SLX4: variants seen among roughly 807,000 people sequenced by gnomAD.
The protein encoded by SLX4 is structure-specific endonuclease subunit SLX4.
In SLX4, 112 loss-of-function variants were observed where a neutral mutation model predicts 146.2. The ratio of observed to expected loss-of-function variants is 0.77; its 90% confidence interval spans 0.66 to 0.90. The LOEUF (loss-of-function observed/expected upper bound fraction) is 0.90. Ranked by LOEUF, SLX4 falls within the 40% of genes least tolerant of loss-of-function variation. The pLI is 0.00. For synonymous variants in SLX4, 1,061 were observed against 997.7 expected, an observed-to-expected ratio of 1.06 and a Z score of -1.20; for missense variants, 2,563 against 2,392.7, an observed-to-expected ratio of 1.07 and a Z score of -1.49.
Position 3,606,509 on chromosome 16 carries a change from G to A in SLX4, c.725C>T (p.Pro242Leu). The change falls in exon 3 of 15, where the codon CCA becomes CTA. Residue 242 changes from proline to leucine, a missense_variant. Pro to Leu is a moderately conservative substitution (Grantham distance 98, BLOSUM62 -3). Coordinates refer to ENST00000294008, the MANE Select transcript of SLX4 (RefSeq NM_032444.4). ...SLEAAREENV[P>L]KDPQEEMMAG... Reference sequence around the variant, plus strand: ...CATCATCTCCTCTTGAGGATCCTTTGGGACATTTTCTTCCCGCGCAGCCTC... The same window carrying A: ...CATCATCTCCTCTTGAGGATCCTTTAGGACATTTTCTTCCCGCGCAGCCTC... 1 of 1,614,152 alleles carries A rather than the reference G, an allele frequency of 6.2e-7. No homozygotes were observed.
Position 3,582,483 on chromosome 16 carries a change from G to A in SLX4, c.5364C>T (p.Asn1788=), listed in dbSNP as rs542981864. 3.5e-5 allele frequency: 56 copies of A among 1,614,022 alleles called. 1 individual carries two copies. Among genetic ancestry groups the A allele is most frequent in the South Asian group, 3.3e-4 (30 of 91,086 alleles). The change falls in exon 15 of 15, where the codon AAC becomes AAT. Residue 1788 remains asparagine (N), a synonymous_variant. Transcript: ENST00000294008. ...LRELQAELRQ[N]GLRVSSRRLL... ...GCCTGCGCGAGGACACACGGAGGCC[G>A]TTCTGCCTCAGCTCTGCCTGCAGCT...
intron 8 of SLX4, 46 bp downstream of exon 8, chr16:3,596,107 G>A: frequency 6.5e-7 from 1 of 1,535,312 alleles, no homozygotes. Flanking sequence ...GGGAGGGGAG[G>A]CCCGGGAGGG....
At chr16:3,600,801 G>T (rs148468422) in intron 5 of SLX4, 178 bp downstream of exon 5, 25 of 632,940 alleles carry the variant, frequency 3.9e-5, no homozygotes, top group Admixed American at 1.9e-4. Flanking sequence ...GTACCATGTC[G>T]GCCAGGCTGG....
rs923467887 is a variant in SLX4 at position 3,597,112 on chromosome 16, C to T, written c.1683+267G>A. ...CAGGGATTACGGGCGTGAGCCACTG[C>T]GCCCGGCCGGGACTCTGCATTTTCA... On this transcript the variant is annotated intron_variant, in intron 7 of 14. Transcript: ENST00000294008. The surrounding 1 kb of genome is among the most constrained non-coding windows in gnomAD (Gnocchi z 4.4). 3.9e-5 allele frequency among the ~76,000 whole-genome samples: 6 copies of T among 152,166 alleles called. No homozygotes were observed. The highest frequency in any genetic ancestry group is 8.8e-5 in the Non-Finnish European group (6 of 68,030).
intron 9 of SLX4, 77 bp from the exon 10 acceptor site, chr16:3,594,676 T>G: frequency 6.2e-7 from 1 of 1,601,374 alleles, no homozygotes; most frequent in Non-Finnish European, 8.5e-7. Flanking sequence ...GCTCCCCGCA[T>G]GGAGGTGGCG....
chr16:3,600,183 T>A lies in SLX4; in HGVS notation c.1163+796A>T, dbSNP rs370022500. On this transcript the variant is annotated intron_variant, in intron 5 of 14. Coordinates refer to ENST00000294008, the MANE Select transcript of SLX4 (RefSeq NM_032444.4). ...GAGAGCTCAACCTAGATTCCATGCA[T>A]GTGCGGCTCACAACAGGGTTTGTGT... is the stretch of plus-strand genomic sequence containing the variant. Among the ~76,000 whole-genome samples, 163 of 152,324 alleles carry A rather than the reference T, an allele frequency of 1.1e-3. 4 individuals carry two copies. In the South Asian group the frequency reaches 0.033, roughly 30 times the overall value.
At position 3,583,139 on chromosome 16, in the gene SLX4, G is replaced by C. The variant is rs2151116465; in HGVS notation, c.5111C>G (p.Ala1704Gly). The C allele has an allele frequency of 6.2e-7, 1 of 1,614,272 alleles. No homozygotes were observed. The highest frequency in any genetic ancestry group is 8.5e-7 in the Non-Finnish European group (1 of 1,180,042). ...GCTGTCACTGCCATCCACAGAGGTG[G>C]CCACGGATTCTTGAGAGGCTGGGAT... is the stretch of plus-strand genomic sequence containing the variant. Reference protein sequence around the residue: ...AQIPASQESVATSVDGSDSSL... With the variant: ...AQIPASQESVGTSVDGSDSSL... Residue 1704 changes from alanine (A) to glycine (G), a missense_variant, in exon 14 of 15, where the codon GCC becomes GGC. Transcript: ENST00000294008.
intron 11 of SLX4, 59 bp from the exon 12 acceptor site, chr16:3,591,369 C>T (rs1048468423): frequency 2.5e-6 from 4 of 1,599,390 alleles, no homozygotes; most frequent in African/African-American, 1.3e-5. Flanking sequence ...CTCTGGGTGC[C>T]CCGGTGGGGT....
At chr16:3,600,258 C>G (rs886997627) in intron 5 of SLX4, among the ~76,000 whole-genome samples, 7 of 152,174 alleles carry the variant, frequency 4.6e-5, no homozygotes, top group Non-Finnish European at 1.0e-4. Flanking sequence ...GGAGCTCAGG[C>G]AGTAAAGCTT....
At chr16:3,588,380 G>A (rs987004130) in intron 12 of SLX4, among the ~76,000 whole-genome samples, 2 of 152,202 alleles carry the variant, frequency 1.3e-5, no homozygotes, top group African/African-American at 4.8e-5. Context: ...TTTCTGGGTC[G>A]TCCACGCGGT....
intron 4 of SLX4, 161 bp from the exon 5 acceptor site, chr16:3,601,352 A>G (rs2040725754): frequency 1.4e-6 from 1 of 716,400 alleles, no homozygotes; most frequent in African/African-American, 1.7e-5. Flanking sequence ...GTCAGCCCCT[A>G]GACACTACAC....
intron 4 of SLX4, chr16:3,601,423 G>T: frequency 5.3e-6 from 3 of 563,392 alleles, no homozygotes; most frequent in Admixed American, 2.9e-5. Flanking sequence ...GCAGTTACAT[G>T]ATGACTTAGA....
rs2151114338 is a variant in SLX4 at position 3,581,209 on chromosome 16, A to C, written c.*1133T>G. Reference sequence around the variant, plus strand: ...TAATAAAGCCTTTTTGGTTTATTGCACATCATATAAAACTGACTGCACTGT... The same window carrying C: ...TAATAAAGCCTTTTTGGTTTATTGCCCATCATATAAAACTGACTGCACTGT... On this transcript the variant is annotated 3_prime_UTR_variant, in exon 15 of 15. Coordinates refer to ENST00000294008, the MANE Select transcript of SLX4 (RefSeq NM_032444.4). 1 of 152,730 alleles carries C rather than the reference A, an allele frequency of 6.5e-6. No individual in the cohort carries two copies. Among genetic ancestry groups the C allele is most frequent in the East Asian group, 1.9e-4 (1 of 5,180 alleles). The allele number at this position is 152,730 out of a possible 1,614,324, so 9.5% of individuals were successfully genotyped here. A position where few individuals can be genotyped will look rare whatever the true frequency, so the allele number is the denominator to read the frequency against.
intron 11 of SLX4, 77 bp from the exon 12 acceptor site, chr16:3,591,387 C>T (rs2040594678): frequency 1.3e-6 from 2 of 1,583,138 alleles, no homozygotes; most frequent in South Asian, 1.1e-5. Flanking sequence ...GGTGGCGGAC[C>T]AGAGCAGAGT....
rs753651021 is a variant in SLX4 at position 3,583,234 on chromosome 16, A to G, written c.5016T>C (p.His1672=). The change falls in exon 14 of 15, where the codon CAT becomes CAC. Residue 1672 remains histidine, a synonymous_variant. Transcript: ENST00000294008. ...ACCTGCTTGGGGGTGTGATGCTTTC[A>G]TGATGCTTCCTTTGATGTCGGGGGC... ...TKGPRHQRKH[H]ESITPPSRSP... 1.2e-6 allele frequency: 2 copies of G among 1,614,156 alleles called. No individual in the cohort carries two copies. Among genetic ancestry groups the G allele is most frequent in the East Asian group, 2.2e-5 (1 of 44,872 alleles).
In SLX4 at chr16:3,589,856, G is replaced by A. The variant is rs374056556; in HGVS notation, c.3782C>T (p.Pro1261Leu). The A allele has an allele frequency of 6.9e-5, 111 of 1,613,346 alleles. 1 individual carries two copies. In the Admixed American group the frequency reaches 1.5e-3, roughly 22 times the overall value. Residue 1261 changes from proline (P) to leucine (L), a missense_variant, in exon 12 of 15, where the codon CCG becomes CTG. Physicochemically the swap from Pro to Leu is moderately conservative, Grantham distance 98 (BLOSUM62 -3). Transcript: ENST00000294008. The surrounding 1 kb of genome is among the most constrained non-coding windows in gnomAD (Gnocchi z 6.2). ...TDTSWLVPAT[P>L]LASRSRDCSS... Reference sequence around the variant, plus strand: ...ACAGTCACGGCTTCTGCTGGCCAGCGGGGTGGCGGGCACCAGCCACGAGGT... The same window carrying A: ...ACAGTCACGGCTTCTGCTGGCCAGCAGGGTGGCGGGCACCAGCCACGAGGT...
At position 3,608,633 on chromosome 16, in the gene SLX4, G is replaced by A. The variant is rs765630089; in HGVS notation, c.332C>T (p.Pro111Leu). The A allele has an allele frequency of 2.5e-6, 4 of 1,614,188 alleles. No individual in the cohort carries two copies. Among genetic ancestry groups the A allele is most frequent in the East Asian group, 2.2e-5 (1 of 44,888 alleles). Residue 111 changes from proline to leucine, a missense_variant, in exon 2 of 15, where the codon CCT becomes CTT. By Grantham distance (98) the Pro-to-Leu change is moderately conservative. Coordinates refer to ENST00000294008, the MANE Select transcript of SLX4 (RefSeq NM_032444.4). ...CCTAGGGGCCTGGCTGCCAGACGGA[G>A]GTTTCTTCTCTGCAGGGCCTTGAAG... ...KTLQGPAEKKPPSGSQAPRTK... is the reference protein window; with the variant it reads ...KTLQGPAEKKLPSGSQAPRTK...
intron 3 of SLX4, among the ~76,000 whole-genome samples, chr16:3,606,156 C>A (rs1327355029): frequency 2.6e-5 from 4 of 151,174 alleles, no homozygotes; most frequent in African/African-American, 9.7e-5. Flanking sequence ...CTGGCTGGGG[C>A]AAGATAATTG....
chr16:3,584,381 A>G (rs905531266), intron 13 of SLX4, among the ~76,000 whole-genome samples: 1 of 151,924 alleles, frequency 6.6e-6, no homozygotes, highest in Admixed American at 6.6e-5. Flanking sequence ...GGACTGCGCC[A>G]CTGCACTCCA....
Sources: allele counts gnomAD v4.1 joint callset (sites outside exome capture counted in the v4.1 genomes callset), GRCh38; gene constraint gnomAD v4.1.1; non-coding constraint Gnocchi (gnomAD v3.1); transcripts MANE v1.5; gene names NCBI Gene and HGNC (gene_info 2026-07-23, HGNC 2026-07-21).